Variants in BCOR observed in about 807,000 individuals in gnomAD.
BCOR encodes the protein BCL6 corepressor.
A neutral mutation model predicts 86.7 loss-of-function variants in BCOR; 10 were observed. The observed-to-expected ratio is 0.12, with a 90% confidence interval of 0.07 to 0.20. The LOEUF is 0.20. Ranked by LOEUF, BCOR falls within the 10% of genes least tolerant of loss-of-function variation. The probability of loss-of-function intolerance (pLI) is 1.00; values close to 1 mark genes in which losing one functional copy is unlikely to be tolerated. For missense variants in BCOR, 1,259 were observed against 1,452.1 expected, an observed-to-expected ratio of 0.87 and a Z score of 2.16; for synonymous variants, 611 against 609.0, an observed-to-expected ratio of 1.00 and a Z score of -0.05.
At position 40,072,240 on chromosome X, in the gene BCOR, T is replaced by G. The variant is rs1297424308; in HGVS notation, c.2997+109A>C. 4.8e-6 allele frequency: 4 copies of G among 833,761 alleles called. No individual in the cohort carries two copies. In the East Asian group the frequency reaches 1.0e-4, roughly 21 times the overall value. The allele number at this position is 833,761 out of a possible 1,213,427, so 68.7% of individuals were successfully genotyped here. On this transcript the variant is annotated intron_variant, in intron 4 of 14. Transcript: ENST00000378444. Reference sequence around the variant, plus strand: ...TATATTCAAATTACCACAAGCTTCATTCACCAAATCTGCCTGGTGCCCTGC... The same window carrying G: ...TATATTCAAATTACCACAAGCTTCAGTCACCAAATCTGCCTGGTGCCCTGC...
chrX:40,147,662 GCT>G (rs1938089966), intron 1 of BCOR, among the ~76,000 whole-genome samples: 1 of 113,396 alleles, frequency 8.8e-6, no homozygotes, highest in Non-Finnish European at 1.9e-5. Context: ...CAGGCGAGAA[GCT>G]GACAGCAAGA....
intron 1 of BCOR, among the ~76,000 whole-genome samples, chrX:40,087,411 G>A (rs1292027978): frequency 1.8e-5 from 2 of 112,774 alleles, no homozygotes; most frequent in African/African-American, 6.4e-5. Context: ...ACTTAAGAAA[G>A]GCATTACTTT....
chrX:40,082,854 A>C (rs1936166874), intron 1 of BCOR, among the ~76,000 whole-genome samples: 2 of 112,025 alleles, frequency 1.8e-5, no homozygotes, highest in Non-Finnish European at 3.8e-5. Flanking sequence ...CTGTGTAATA[A>C]GCCCCAGAAT....
intron 1 of BCOR, among the ~76,000 whole-genome samples, chrX:40,136,668 A>G (rs1937687417): frequency 8.9e-6 from 1 of 112,054 alleles, no homozygotes; most frequent in South Asian, 3.7e-4. Context: ...AAGCTTTGGT[A>G]GGCGTATGGT....
intron 9 of BCOR, 124 bp from the exon 10 acceptor site, chrX:40,062,517 T>TG: frequency 1.9e-5 from 14 of 727,271 alleles, no homozygotes; most frequent in Non-Finnish European, 2.5e-5. Context: ...TATCTTTTTT[T>TG]GGGGGTGGGG....
At chrX:40,158,452 C>T (rs1938346768) in intron 1 of BCOR, among the ~76,000 whole-genome samples, 2 of 112,319 alleles carry the variant, frequency 1.8e-5, no homozygotes, top group African/African-American at 6.4e-5. Flanking sequence ...CTCCCGAGGC[C>T]CCCCTCCCCG....
At chrX:40,145,711 C>A (rs1352432768) in intron 1 of BCOR, among the ~76,000 whole-genome samples, 1 of 111,773 alleles carries the variant, frequency 8.9e-6, no homozygotes, top group Non-Finnish European at 1.9e-5. Flanking sequence ...AAGGCACAAA[C>A]AGGGTCCAGG....
intron 11 of BCOR, among the ~76,000 whole-genome samples, chrX:40,056,422 G>A (rs1266810907): frequency 1.8e-5 from 2 of 110,618 alleles, no homozygotes; most frequent in Non-Finnish European, 3.8e-5. Flanking sequence ...CCAAGGGAAC[G>A]GTGGGGAGAA....
At chrX:40,098,573 C>T (rs1446707233), upstream of BCOR, among the ~76,000 whole-genome samples, 2 of 111,502 alleles carry the variant, frequency 1.8e-5, no homozygotes, top group African/African-American at 6.5e-5. Context: ...TCGCACTCCG[C>T]TCAGCCAAAG....
intron 10 of BCOR, among the ~76,000 whole-genome samples, chrX:40,057,648 GC>G (rs1934665508): frequency 8.9e-6 from 1 of 112,052 alleles, no homozygotes; most frequent in African/African-American, 3.2e-5. Flanking sequence ...ACCCACACAA[GC>G]CCTTAGCTCA....
Position 40,072,491 on chromosome X carries a change from C to A in BCOR, c.2855G>T (p.Gly952Val). Residue 952 changes from glycine (G) to valine (V), a missense_variant, in exon 4 of 15, where the codon GGC becomes GTC. By Grantham distance (109) the Gly-to-Val change is moderately radical. Around this residue, in one of 7 missense-constraint regions of BCOR, gnomAD observed 534 missense variants for 594.8 expected, o/e 0.90. Coordinates refer to ENST00000378444, the MANE Select transcript of BCOR (RefSeq NM_001123385.2). ...DGADEAESND[G>V]KVLKPKPSKL... Reference sequence around the variant, plus strand: ...AGATGGCTTCGGTTTCAGAACTTTGCCATCATTTGATTCAGCCTCATCAGC... The same window carrying A: ...AGATGGCTTCGGTTTCAGAACTTTGACATCATTTGATTCAGCCTCATCAGC... 8.3e-7 allele frequency: 1 copy of A among 1,211,874 alleles called. No homozygotes were observed. The highest frequency in any genetic ancestry group is 1.7e-5 in the African/African-American group (1 of 57,858).
chrX:40,051,521 C>A lies in BCOR; in HGVS notation c.*588G>T, dbSNP rs1274349913. 2.9e-5 allele frequency: 5 copies of A among 172,192 alleles called. No homozygotes were observed. Among genetic ancestry groups the A allele is most frequent in the Middle Eastern group, 1.8e-3 (1 of 545 alleles). 14.2% of individuals were successfully genotyped at this position (172,192 alleles called of 1,213,427 possible). ...AACATATAAACAATCCGGTTTGATG[C>A]GTGAAAACTAATTTCACAGCTTTTA... On this transcript the variant is annotated 3_prime_UTR_variant, in exon 15 of 15. Transcript: ENST00000378444.
intron 1 of BCOR, among the ~76,000 whole-genome samples, chrX:40,116,064 T>C (rs1352180549): frequency 9.0e-6 from 1 of 111,608 alleles, no homozygotes; most frequent in Non-Finnish European, 1.9e-5. Context: ...AGAAGAGCTC[T>C]TGGGATTTGA....
intron 6 of BCOR, among the ~76,000 whole-genome samples, chrX:40,067,199 T>G (rs1935246336): frequency 8.9e-6 from 1 of 112,096 alleles, no homozygotes; most frequent in African/African-American, 3.2e-5. Context: ...GAAAACCACC[T>G]AGAAGACTTG....
chrX:40,057,441 G>A, intron 10 of BCOR, 120 bp from the exon 11 acceptor site: 1 of 764,543 alleles, frequency 1.3e-6, no homozygotes, highest in Non-Finnish European at 1.9e-6. Context: ...AACCTCTCGG[G>A]CGGGCTGTGG....
Position 40,105,707 on chromosome X carries a change from G to A in BCOR, c.-40-27738C>T, listed in dbSNP as rs1397282280. 4.4e-5 allele frequency among the ~76,000 whole-genome samples: 5 copies of A among 112,431 alleles called. No homozygotes were observed. The East Asian group carries it at 1.1e-3, about 26-fold the overall frequency. On this transcript the variant is annotated intron_variant, in intron 1 of 14. Coordinates refer to the BCOR transcript ENST00000342274. ...CCTACTGTTGTGTGCAGAGATCGCGGAGGAGAAAATAGGGCTCCGAAGCTC... is the reference window on the plus strand; with the variant it reads ...CCTACTGTTGTGTGCAGAGATCGCGAAGGAGAAAATAGGGCTCCGAAGCTC...
chrX:40,174,877 G>A (rs750463096), intron 1 of BCOR, among the ~76,000 whole-genome samples: 4 of 113,130 alleles, frequency 3.5e-5, no homozygotes, highest in Admixed American at 9.3e-5. Flanking sequence ...ACGTGTATTA[G>A]ATTGAAACAA....
intron 1 of BCOR, among the ~76,000 whole-genome samples, chrX:40,110,468 A>G (rs942027978): frequency 2.8e-5 from 3 of 108,337 alleles, no homozygotes; most frequent in African/African-American, 1.0e-4. Context: ...TTGAATCCCT[A>G]TGGGGGAAAA....
In BCOR at chrX:40,065,906, G is replaced by A. The variant is rs760053299; in HGVS notation, c.3239-1307C>T. On this transcript the variant is annotated intron_variant, in intron 6 of 14. Coordinates refer to ENST00000378444, the MANE Select transcript of BCOR (RefSeq NM_001123385.2). Reference sequence around the variant, plus strand: ...CACTCCTGACCAGCACCGCTCACCCGCTTCTCTCGGGGGCATTGCCAGCGG... The same window carrying A: ...CACTCCTGACCAGCACCGCTCACCCACTTCTCTCGGGGGCATTGCCAGCGG... 2.7e-5 allele frequency among the ~76,000 whole-genome samples: 3 copies of A among 110,648 alleles called. No individual in the cohort carries two copies. The South Asian group carries it at 1.2e-3, about 44-fold the overall frequency.
Sources: gnomAD v4.1 joint callset for allele counts (sites outside exome capture counted in the v4.1 genomes callset) on GRCh38, gnomAD v4.1.1 for gene constraint, gnomAD v4.1.1 regional missense constraint, MANE v1.5 for transcripts, NCBI Gene and HGNC (gene_info 2026-07-23, HGNC 2026-07-21) for gene names.